OR51B5: variants seen among roughly 807,000 people sequenced by gnomAD.
OR51B5 encodes the protein olfactory receptor 51B5.
For missense variants in OR51B5, 456 were observed against 374.6 expected (o/e 1.22, Z -1.79); for synonymous variants, 186 against 144.8 (o/e 1.28, Z -2.04).
Position 5,418,815 on chromosome 11 carries a change from C to T in OR51B5, n.85-71905G>A, listed in dbSNP as rs139984851. Among the ~76,000 whole-genome samples the T allele has an allele frequency of 7.0e-3, 1,035 of 147,530 alleles. 15 individuals carry two copies. Among genetic ancestry groups the T allele is most frequent in the African/African-American group, 0.021 (852 of 40,068 alleles). ...ATAGATGCAGCAAACCATCATGGCA[C>T]GTGTATACCTATGTAACAAAGCTGC... On this transcript the variant is annotated intron_variant and non_coding_transcript_variant, in intron 1 of 4. Coordinates refer to the OR51B5 transcript ENST00000415970.
chr11:5,407,312 T>G (rs1589979225), intron 1 of OR51B5, among the ~76,000 whole-genome samples: 1 of 152,216 alleles, frequency 6.6e-6, no homozygotes, highest in South Asian at 2.1e-4. Flanking sequence ...TCTCTACACA[T>G]TGACTTTTAC....
chr11:5,407,425 CTT>C (rs1850074768), intron 1 of OR51B5, among the ~76,000 whole-genome samples: 1 of 152,152 alleles, frequency 6.6e-6, no homozygotes, highest in Admixed American at 6.5e-5. Flanking sequence ...TGCATGGTTT[CTT>C]GTTCACTTCT....
intron 1 of OR51B5, among the ~76,000 whole-genome samples, chr11:5,467,596 G>C (rs958569465): frequency 1.3e-5 from 2 of 152,172 alleles, no homozygotes; most frequent in African/African-American, 4.8e-5. Flanking sequence ...CTGCCTGTGT[G>C]GCCTGGGTTG....
chr11:5,401,012 G>C (rs949663815), intron 1 of OR51B5, among the ~76,000 whole-genome samples: 1 of 152,198 alleles, frequency 6.6e-6, no homozygotes, highest in Non-Finnish European at 1.5e-5. Context: ...GCATTTGGGT[G>C]AATGAGTTGA....
intron 1 of OR51B5, among the ~76,000 whole-genome samples, chr11:5,478,406 G>T (rs1851353694): frequency 1.3e-5 from 2 of 151,102 alleles, no homozygotes; most frequent in African/African-American, 4.9e-5. Context: ...CCACAAAGAT[G>T]GGGAAAAAAC....
At chr11:5,504,663 T>C (rs193152294) in intron 1 of OR51B5, among the ~76,000 whole-genome samples, 29 of 152,330 alleles carry the variant, frequency 1.9e-4, no homozygotes, top group Non-Finnish European at 3.7e-4. Flanking sequence ...TTAATTTGAT[T>C]TGTATCTATC....
chr11:5,481,926 C>A (rs1210168741), intron 1 of OR51B5, among the ~76,000 whole-genome samples: 1 of 132,418 alleles, frequency 7.6e-6, no homozygotes, highest in African/African-American at 3.2e-5. Context: ...AATGGCCATA[C>A]TGCCCAAGGT....
At position 5,422,544 on chromosome 11, in the gene OR51B5, C is replaced by G. The variant is rs149131065; in HGVS notation, n.85-75634G>C. On this transcript the variant is annotated intron_variant and non_coding_transcript_variant, in intron 1 of 4. Transcript: ENST00000415970. Reference sequence around the variant, plus strand: ...CATGGATTCTCCTTTATGGAGTCTTCTGTCCTCCTGGCTATGTCCGTTGAC... The same window carrying G: ...CATGGATTCTCCTTTATGGAGTCTTGTGTCCTCCTGGCTATGTCCGTTGAC... 65 of 1,614,144 alleles carry G rather than the reference C, an allele frequency of 4.0e-5. No individual in the cohort carries two copies. In the African/African-American group the frequency reaches 8.3e-4, roughly 21 times the overall value.
At chr11:5,495,367 T>TA (rs1392331487) in intron 1 of OR51B5, among the ~76,000 whole-genome samples, 1 of 152,160 alleles carries the variant, frequency 6.6e-6, no homozygotes, top group Non-Finnish European at 1.5e-5. Context: ...GTATAAAAGT[T>TA]AAAAAAACAA....
At chr11:5,437,536 C>T (rs1212811543) in intron 1 of OR51B5, among the ~76,000 whole-genome samples, 2 of 152,324 alleles carry the variant, frequency 1.3e-5, no homozygotes, top group East Asian at 3.9e-4. Context: ...ACTGAAGGAC[C>T]ATGGGTTCAA....
chr11:5,409,595 G>C (rs571519942), intron 1 of OR51B5, among the ~76,000 whole-genome samples: 1 of 151,838 alleles, frequency 6.6e-6, no homozygotes, highest in African/African-American at 2.4e-5. Flanking sequence ...CAAGTCAATA[G>C]AAATAGCCAA....
chr11:5,350,998 C>T (rs1397107653), intron 1 of OR51B5, among the ~76,000 whole-genome samples: 2 of 152,046 alleles, frequency 1.3e-5, no homozygotes, highest in Non-Finnish European at 2.9e-5. Context: ...ATTTGTTTTT[C>T]CATATAATCT....
downstream of OR51B5, chr11:5,341,218 A>G (rs1848887422): frequency 6.6e-6 from 1 of 152,222 alleles, no homozygotes; most frequent in Non-Finnish European, 1.5e-5. Context: ...CAGTGTGGAC[A>G]GGGGAAGGAG....
chr11:5,491,809 TG>T (rs1237846809), intron 1 of OR51B5, among the ~76,000 whole-genome samples: 1 of 152,216 alleles, frequency 6.6e-6, no homozygotes, highest in Non-Finnish European at 1.5e-5. Context: ...GCATGAAATA[TG>T]GTTTTACCTA....
chr11:5,404,482 C>G (rs547555945), intron 1 of OR51B5, among the ~76,000 whole-genome samples: 1 of 152,098 alleles, frequency 6.6e-6, no homozygotes, highest in Non-Finnish European at 1.5e-5. Flanking sequence ...AAAATCCCAC[C>G]GATCAGCACT....
intron 1 of OR51B5, among the ~76,000 whole-genome samples, chr11:5,426,514 T>A (rs180753552): frequency 6.6e-6 from 1 of 152,062 alleles, no homozygotes; most frequent in Non-Finnish European, 1.5e-5. Flanking sequence ...TAAGTAACTT[T>A]GGAAATAGGT....
At chr11:5,369,425 G>A (rs1216303405) in intron 1 of OR51B5, among the ~76,000 whole-genome samples, 1 of 152,014 alleles carries the variant, frequency 6.6e-6, no homozygotes, top group Non-Finnish European at 1.5e-5. Flanking sequence ...TTATACCTCA[G>A]TAAAACTCTA....
At chr11:5,472,574 T>C (rs1283246708) in intron 1 of OR51B5, among the ~76,000 whole-genome samples, 1 of 152,198 alleles carries the variant, frequency 6.6e-6, no homozygotes, top group African/African-American at 2.4e-5. Context: ...AAGAGGTAGC[T>C]GGGCAGCAGG....
At chr11:5,358,946 C>G (rs948100627) in intron 1 of OR51B5, among the ~76,000 whole-genome samples, 155 of 151,704 alleles carry the variant, frequency 1.0e-3, no homozygotes, top group Non-Finnish European at 2.1e-3. Context: ...TTCAACAACC[C>G]TTCATGCTAA....
Sources: gnomAD v4.1 joint callset for allele counts (sites outside exome capture counted in the v4.1 genomes callset) on GRCh38, gnomAD v4.1.1 for gene constraint, MANE v1.5 for transcripts, NCBI Gene and HGNC (gene_info 2026-07-23, HGNC 2026-07-21) for gene names.